AGBL1: variants seen among roughly 807,000 people sequenced by gnomAD.
AGBL1 encodes cytosolic carboxypeptidase 4.
AGBL1 carries 130 observed loss-of-function variants against 118.9 expected under a neutral mutation model. The ratio of observed to expected loss-of-function variants is 1.09; its 90% CI spans 0.95 to 1.26. The LOEUF is 1.26. Ranked by LOEUF, AGBL1 falls within the 50% of genes most tolerant of loss-of-function variation. The pLI is 0.00. For missense variants in AGBL1, 1,584 were observed against 1,298.1 expected, an observed-to-expected ratio of 1.22 and a Z score of -3.38; for synonymous variants, 555 against 478.9, an observed-to-expected ratio of 1.16 and a Z score of -2.08.
chr15:86,954,034 A>G (rs1043621620), intron 23 of AGBL1, among the ~76,000 whole-genome samples: 5 of 152,162 alleles, frequency 3.3e-5, no homozygotes, highest in African/African-American at 4.8e-5. Context: ...AAAAACCACA[A>G]TGAGTTACCA....
At chr15:87,031,338 G>C (rs1311088372), downstream of AGBL1, among the ~76,000 whole-genome samples, 2 of 151,782 alleles carry the variant, frequency 1.3e-5, no homozygotes, top group Non-Finnish European at 2.9e-5. Context: ...GAAATAGAGA[G>C]ATATTTCTCA....
chr15:86,575,060 G>T (rs2084067867), intron 21 of AGBL1, among the ~76,000 whole-genome samples: 1 of 151,924 alleles, frequency 6.6e-6, no homozygotes, highest in South Asian at 2.1e-4. Flanking sequence ...ATGGTGGCAG[G>T]TGCCTGCAGT....
In AGBL1 at chr15:86,254,112, G is replaced by T. The variant is rs972519511; in HGVS notation, c.736-2741G>T. On this transcript the variant is annotated intron_variant, in intron 7 of 22. Transcript: ENST00000614907. ...AGGTCCTTTTCCACTAAAATGCCTT[G>T]CTTTGTTATCATGGGAATTATTACT... Among the ~76,000 whole-genome samples the T allele has an allele frequency of 2.0e-5, 3 of 152,212 alleles. No individual in the cohort carries two copies. In the East Asian group the frequency reaches 5.8e-4, roughly 29 times the overall value.
chr15:86,494,303 C>T (rs2142147948), intron 18 of AGBL1, among the ~76,000 whole-genome samples: 1 of 152,192 alleles, frequency 6.6e-6, no homozygotes, highest in Middle Eastern at 3.4e-3. Flanking sequence ...ATGTCTGTGG[C>T]ACATTAAAAT....
At chr15:86,427,464 T>C (rs1303288101) in intron 18 of AGBL1, among the ~76,000 whole-genome samples, 1 of 152,130 alleles carries the variant, frequency 6.6e-6, no homozygotes, top group Admixed American at 6.5e-5. Flanking sequence ...ATTCAGTGTC[T>C]TTTATGCTAT....
intron 18 of AGBL1, among the ~76,000 whole-genome samples, chr15:86,448,922 G>C (rs1343899989): frequency 6.6e-6 from 1 of 152,162 alleles, no homozygotes; most frequent in African/African-American, 2.4e-5. Context: ...AATTTCATTG[G>C]CTGGCAAGAT....
intron 22 of AGBL1, among the ~76,000 whole-genome samples, chr15:86,849,696 A>T (rs2079377095): frequency 6.6e-6 from 1 of 152,188 alleles, no homozygotes; most frequent in Non-Finnish European, 1.5e-5. Context: ...TCCAGAAGTG[A>T]CAGGCATGGC....
In AGBL1 at chr15:86,340,173, T is replaced by A. The variant is rs117506941; in HGVS notation, c.2374+44765T>A. Among the ~76,000 whole-genome samples the A allele has an allele frequency of 2.5e-4, 38 of 152,254 alleles. 1 individual carries two copies. In the East Asian group the frequency reaches 6.6e-3, roughly 26 times the overall value. ...TTTTCCTGTTTTTTATTTTTATTTT[T>A]GTGTGATGAGTGATTTTTTGACGGA... is the stretch of plus-strand genomic sequence containing the variant. On this transcript the variant is annotated intron_variant, in intron 17 of 22. Transcript: ENST00000614907.
chr15:86,948,621 A>G lies in AGBL1; in HGVS notation c.3222-39366A>G, dbSNP rs567951141. ...ATATTTCTAGCCAACGAGTGATTGAATGCGTGTGATGAGTATGTCTTCCAA... is the reference window on the plus strand; with the variant it reads ...ATATTTCTAGCCAACGAGTGATTGAGTGCGTGTGATGAGTATGTCTTCCAA... On this transcript the variant is annotated intron_variant, in intron 23 of 24. Transcript: ENST00000441037. 2.0e-5 allele frequency among the ~76,000 whole-genome samples: 3 copies of G among 152,318 alleles called. No individual in the cohort carries two copies. In the South Asian group the frequency reaches 6.2e-4, roughly 32 times the overall value.
intron 23 of AGBL1, among the ~76,000 whole-genome samples, chr15:86,967,170 G>A (rs1159332135): frequency 6.6e-6 from 1 of 152,096 alleles, no homozygotes; most frequent in Non-Finnish European, 1.5e-5. Flanking sequence ...TGTTGATGGG[G>A]TTGTTTGTTT....
intron 16 of AGBL1, among the ~76,000 whole-genome samples, chr15:86,282,762 T>C (rs1249163778): frequency 6.6e-6 from 1 of 152,182 alleles, no homozygotes; most frequent in Admixed American, 6.5e-5. Flanking sequence ...TAAATGCGAA[T>C]GATACCCCAA....
At chr15:86,201,407 T>A (rs992829647) in intron 5 of AGBL1, among the ~76,000 whole-genome samples, 2 of 152,224 alleles carry the variant, frequency 1.3e-5, no homozygotes, top group African/African-American at 4.8e-5. Context: ...TCTTTTAATC[T>A]AGATATAGCA....
intron 18 of AGBL1, among the ~76,000 whole-genome samples, chr15:86,485,501 C>T (rs1480633582): frequency 6.6e-6 from 1 of 152,078 alleles, no homozygotes; most frequent in Admixed American, 6.6e-5. Context: ...TTTAACTCTG[C>T]TGTTATAGTA....
At chr15:86,668,693 T>C (rs1444576844) in intron 21 of AGBL1, among the ~76,000 whole-genome samples, 1 of 152,186 alleles carries the variant, frequency 6.6e-6, no homozygotes, top group Non-Finnish European at 1.5e-5. Flanking sequence ...TGTTCACTTA[T>C]AACTTGGTTT....
intron 4 of AGBL1, among the ~76,000 whole-genome samples, chr15:86,157,799 T>C (rs903891552): frequency 1.3e-5 from 2 of 152,160 alleles, no homozygotes; most frequent in African/African-American, 4.8e-5. Flanking sequence ...CAATGAACCC[T>C]TTGGAAGTTC....
intron 23 of AGBL1, among the ~76,000 whole-genome samples, chr15:86,970,183 C>A (rs2081092756): frequency 6.6e-6 from 1 of 151,906 alleles, no homozygotes; most frequent in Non-Finnish European, 1.5e-5. Context: ...TTAATCCCTT[C>A]CTTCCAGCCC....
At chr15:87,018,600 T>G (rs2081631180) in intron 24 of AGBL1, among the ~76,000 whole-genome samples, 1 of 152,098 alleles carries the variant, frequency 6.6e-6, no homozygotes, top group Non-Finnish European at 1.5e-5. Context: ...TTGCAAGAGC[T>G]CCTGAAGGAA....
At chr15:86,375,650 G>T (rs1348475623) in intron 17 of AGBL1, among the ~76,000 whole-genome samples, 1 of 152,146 alleles carries the variant, frequency 6.6e-6, no homozygotes, top group Non-Finnish European at 1.5e-5. Flanking sequence ...ATGCAAAAAA[G>T]GTACTCGGCT....
intron 21 of AGBL1, among the ~76,000 whole-genome samples, chr15:86,563,322 C>T (rs947060928): frequency 6.6e-6 from 1 of 152,060 alleles, no homozygotes; most frequent in African/African-American, 2.4e-5. Flanking sequence ...TAAATGTGTC[C>T]CAGAGATTCT....
Sources: gnomAD v4.1 joint callset for allele counts (sites outside exome capture counted in the v4.1 genomes callset) on GRCh38, gnomAD v4.1.1 for gene constraint, MANE v1.5 for transcripts, NCBI Gene and HGNC (gene_info 2026-07-23, HGNC 2026-07-21) for gene names.